STXBP4: variants seen among roughly 807,000 people sequenced by gnomAD.
STXBP4 encodes the protein syntaxin-binding protein 4.
STXBP4 carries 55 observed loss-of-function variants against 76.1 expected under a neutral mutation model. The ratio of observed to expected loss-of-function variants is 0.72; its 90% confidence interval spans 0.58 to 0.91. The LOEUF (loss-of-function observed/expected upper bound fraction) is 0.91, where lower values mean the gene tolerates loss of function less well. STXBP4 is among the 40% of genes least tolerant of loss of function. The pLI is 0.00. For missense variants in STXBP4, 618 were observed against 636.9 expected, an observed-to-expected ratio of 0.97 and a Z score of 0.32; for synonymous variants, 201 against 220.2, an observed-to-expected ratio of 0.91 and a Z score of 0.77.
chr17:55,206,078 G>A, the STXBP4 span, among the ~76,000 whole-genome samples: 1 of 152,060 alleles, frequency 6.6e-6, no homozygotes, highest in Non-Finnish European at 1.5e-5. Flanking sequence ...ATTGATTAGT[G>A]AGAAAAGCAA....
intron 12 of STXBP4, among the ~76,000 whole-genome samples, chr17:55,059,543 C>T (rs2078970687): frequency 6.6e-6 from 1 of 152,062 alleles, no homozygotes; most frequent in South Asian, 2.1e-4. Context: ...GTTCCTCAGT[C>T]AACTAGCTAT....
chr17:55,138,704 A>G (rs1598344184), intron 16 of STXBP4, among the ~76,000 whole-genome samples: 1 of 152,144 alleles, frequency 6.6e-6, no homozygotes, highest in African/African-American at 2.4e-5. Flanking sequence ...TAAAACAATA[A>G]TGATTATTGA....
rs2080332445 is a variant in STXBP4, at chr17:55,161,052, G to A, written c.*1141G>A. 1 of 152,214 alleles carries A rather than the reference G, an allele frequency of 6.6e-6. No homozygotes were observed. The highest frequency in any genetic ancestry group is 6.5e-5 in the Admixed American group (1 of 15,282). The allele number at this position is 152,214 out of a possible 1,614,324, so 9.4% of individuals were successfully genotyped here. ...CTCCCAGCACTGCTGTGCAGACCTA[G>A]AGGTCCTTAGAACATAGTCTAAGAA... On this transcript the variant is annotated 3_prime_UTR_variant, in exon 18 of 18. Coordinates refer to ENST00000376352, the MANE Select transcript of STXBP4 (RefSeq NM_178509.6).
the STXBP4 span, among the ~76,000 whole-genome samples, chr17:55,191,190 G>A: frequency 1.3e-5 from 2 of 152,134 alleles, no homozygotes; most frequent in African/African-American, 4.8e-5. Context: ...GAGTCATGTG[G>A]CTGGAGAGTG....
intron 3 of STXBP4, among the ~76,000 whole-genome samples, chr17:54,988,990 T>C (rs2077669945): frequency 6.6e-6 from 1 of 152,262 alleles, no homozygotes; most frequent in Non-Finnish European, 1.5e-5. Flanking sequence ...TAAAAAAATT[T>C]CTTCTTTTTA....
At chr17:55,135,768 C>A (rs2080021951) in intron 16 of STXBP4, among the ~76,000 whole-genome samples, 1 of 152,002 alleles carries the variant, frequency 6.6e-6, no homozygotes, top group Admixed American at 6.6e-5. Context: ...AAGAACATTG[C>A]TCTTTTAAAT....
chr17:55,105,881 G>A (rs951983910), intron 16 of STXBP4, among the ~76,000 whole-genome samples: 3 of 152,124 alleles, frequency 2.0e-5, no homozygotes, highest in Non-Finnish European at 4.4e-5. Context: ...TTCTGTTTAT[G>A]TGGTCCATTT....
At chr17:54,980,457 A>C (rs1259094540) in intron 1 of STXBP4, among the ~76,000 whole-genome samples, 3 of 152,250 alleles carry the variant, frequency 2.0e-5, no homozygotes. Context: ...AGAATGAAAC[A>C]ATGAAAGCAC....
At chr17:55,047,054 T>C (rs925330996) in intron 11 of STXBP4, 35 bp from the exon 12 acceptor site, 3 of 1,343,060 alleles carry the variant, frequency 2.2e-6, no homozygotes, top group Middle Eastern at 1.8e-4. Context: ...AATACTTTCA[T>C]AACAAGTTGT....
In STXBP4 at chr17:55,016,353, G is replaced by T. The variant is rs144121565; in HGVS notation, c.666+8756G>T. ...CCCAACGTTGCCTTTGTGCTCAGGG[G>T]TGAGTCCTAGAGCTGGGCTGGGTTC... On this transcript the variant is annotated intron_variant, in intron 8 of 17. Coordinates refer to ENST00000376352, the MANE Select transcript of STXBP4 (RefSeq NM_178509.6). 3.2e-3 allele frequency among the ~76,000 whole-genome samples: 480 copies of T among 152,240 alleles called. 12 individuals carry two copies. Among genetic ancestry groups the T allele is most frequent in the East Asian group, 0.025 (130 of 5,168 alleles).
chr17:55,147,860 G>T (rs1291972228), intron 17 of STXBP4, among the ~76,000 whole-genome samples: 1 of 152,180 alleles, frequency 6.6e-6, no homozygotes, highest in Non-Finnish European at 1.5e-5. Flanking sequence ...ACTGATGTAT[G>T]CCTTGATCAA....
intron 16 of STXBP4, among the ~76,000 whole-genome samples, chr17:55,111,697 A>T (rs1004080793): frequency 1.3e-5 from 2 of 152,174 alleles, no homozygotes; most frequent in African/African-American, 4.8e-5. Flanking sequence ...AGGCCTCCCC[A>T]GAAGCCAAGC....
chr17:55,166,471 AGT>A lies in STXBP4; in HGVS notation c.*6561_*6562del, dbSNP rs758438449. ...GTTCCCTAGCACCTTCTACTATCTG[AGT>A]CCCTGGCTTTCTCCCTAGCCTCATG... On this transcript the variant is annotated 3_prime_UTR_variant, in exon 18 of 18. Coordinates refer to ENST00000376352, the MANE Select transcript of STXBP4 (RefSeq NM_178509.6). 1.3e-5 allele frequency: 2 copies of A among 152,154 alleles called. No homozygotes were observed. Among genetic ancestry groups the A allele is most frequent in the Non-Finnish European group, 2.9e-5 (2 of 68,050 alleles). The allele number at this position is 152,154 out of a possible 1,614,324, so 9.4% of individuals were successfully genotyped here.
chr17:55,027,444 A>T (rs1015589112), intron 8 of STXBP4, among the ~76,000 whole-genome samples: 4 of 152,162 alleles, frequency 2.6e-5, no homozygotes, highest in Non-Finnish European at 5.9e-5. Context: ...AGGGATAAAA[A>T]ACTACATATT....
intron 12 of STXBP4, among the ~76,000 whole-genome samples, chr17:55,053,821 TGTTA>T (rs2078891592): frequency 6.6e-6 from 1 of 152,158 alleles, no homozygotes; most frequent in African/African-American, 2.4e-5. Context: ...AAATCTTTCT[TGTTA>T]GTTTTTATAT....
chr17:55,163,026 A>G lies in STXBP4; in HGVS notation c.*3115A>G, dbSNP rs536033820. 9 of 152,322 alleles carry G rather than the reference A, an allele frequency of 5.9e-5. No homozygotes were observed. The highest frequency in any genetic ancestry group is 1.4e-4 in the African/African-American group (6 of 41,570). The allele number at this position is 152,322 out of a possible 1,614,324, so 9.4% of individuals were successfully genotyped here. ...TTTGCACTCTTGTGCTAGTATGTCT[A>G]TAGTGTGAATACATTCATAAATTTC... On this transcript the variant is annotated 3_prime_UTR_variant, in exon 18 of 18. Coordinates refer to ENST00000376352, the MANE Select transcript of STXBP4 (RefSeq NM_178509.6).
intron 16 of STXBP4, among the ~76,000 whole-genome samples, chr17:55,135,162 T>C (rs1206138271): frequency 6.6e-6 from 1 of 152,152 alleles, no homozygotes; most frequent in Non-Finnish European, 1.5e-5. Context: ...AAATAGTGAC[T>C]GACAGATAAA....
At chr17:55,185,760 C>G in the STXBP4 span, among the ~76,000 whole-genome samples, 1 of 152,272 alleles carries the variant, frequency 6.6e-6, no homozygotes, top group Non-Finnish European at 1.5e-5. Flanking sequence ...GAGACAGACT[C>G]AACGCATCCA....
the STXBP4 span, among the ~76,000 whole-genome samples, chr17:55,199,350 G>A: frequency 6.6e-6 from 1 of 152,180 alleles, no homozygotes; most frequent in South Asian, 2.1e-4. Context: ...AAAAATTATA[G>A]GAAGTGATCA....
Sources: gnomAD v4.1 joint callset for allele counts (sites outside exome capture counted in the v4.1 genomes callset) on GRCh38, gnomAD v4.1.1 for gene constraint, MANE v1.5 for transcripts, NCBI Gene and HGNC (gene_info 2026-07-23, HGNC 2026-07-21) for gene names.